The following PLEKHA6 variants were observed in gnomAD, a reference collection of about 807,000 sequenced individuals.
PLEKHA6 encodes pleckstrin homology domain-containing family A member 6.
Under a neutral mutation model 116.7 loss-of-function variants are expected in PLEKHA6, and 60 were observed. The ratio of observed to expected loss-of-function variants is 0.51; its 90% CI spans 0.42 to 0.64. PLEKHA6 has a LOEUF of 0.64. Ranked by LOEUF, PLEKHA6 falls within the 30% of genes least tolerant of loss-of-function variation. The probability of loss-of-function intolerance (pLI) is 0.00; values close to 1 mark genes in which losing one functional copy is unlikely to be tolerated. For missense variants in PLEKHA6, 1,338 were observed against 1,422.7 expected, an observed-to-expected ratio of 0.94 and a Z score of 0.96; for synonymous variants, 489 against 556.1, an observed-to-expected ratio of 0.88 and a Z score of 1.70.
intron 1 of PLEKHA6, among the ~76,000 whole-genome samples, chr1:204,318,962 A>G (rs1056642433): frequency 6.6e-6 from 1 of 152,214 alleles, no homozygotes; most frequent in African/African-American, 2.4e-5. Flanking sequence ...ATGGGAGAAC[A>G]GAAAATCAGG....
intron 1 of PLEKHA6, among the ~76,000 whole-genome samples, chr1:204,352,374 C>CAAAAA (rs35132900): frequency 7.2e-6 from 1 of 139,518 alleles, no homozygotes; most frequent in African/African-American, 2.6e-5. Context: ...GACTCCGTCT[C>CAAAAA]AAAAAAAAAA....
chr1:204,360,546 T>A (rs1403762167), upstream of PLEKHA6, among the ~76,000 whole-genome samples: 1 of 152,180 alleles, frequency 6.6e-6, no homozygotes, highest in East Asian at 1.9e-4. Context: ...TCTGTGCTCC[T>A]GTTCCTTCCG....
At chr1:204,280,386 A>G (rs1668470128) in intron 1 of PLEKHA6, 1 of 985,142 alleles carries the variant, frequency 1.0e-6, no homozygotes, top group Non-Finnish European at 1.2e-6. Context: ...GATGCCCAGA[A>G]CCCCACTGTG....
intron 1 of PLEKHA6, chr1:204,320,502 G>A: frequency 2.0e-6 from 2 of 982,850 alleles, no homozygotes; most frequent in Non-Finnish European, 2.4e-6. Flanking sequence ...GTGCCTGCAT[G>A]ACTCAGGGAA....
chr1:204,353,772 G>C (rs1349570441), intron 1 of PLEKHA6, among the ~76,000 whole-genome samples: 2 of 152,066 alleles, frequency 1.3e-5, no homozygotes, highest in African/African-American at 4.8e-5. Context: ...AGGAAACCTG[G>C]GTTCTAGACC....
chr1:204,372,757 C>T (rs2103417474), intron 1 of PLEKHA6, among the ~76,000 whole-genome samples: 1 of 152,096 alleles, frequency 6.6e-6, no homozygotes, highest in East Asian at 1.9e-4. Context: ...CACCCCCAAC[C>T]CCAAGCTCTT....
At chr1:204,314,296 T>G (rs1466452672) in intron 1 of PLEKHA6, among the ~76,000 whole-genome samples, 1 of 152,230 alleles carries the variant, frequency 6.6e-6, no homozygotes, top group Non-Finnish European at 1.5e-5. Flanking sequence ...GTAGCTCACC[T>G]GTTCCTGTTT....
At chr1:204,286,659 C>A (rs1572071100) in intron 1 of PLEKHA6, among the ~76,000 whole-genome samples, 1 of 152,280 alleles carries the variant, frequency 6.6e-6, no homozygotes, top group South Asian at 2.1e-4. Flanking sequence ...GAGCATTAAA[C>A]CAAGCATGTG....
At chr1:204,305,913 A>T (rs920323709) in intron 1 of PLEKHA6, among the ~76,000 whole-genome samples, 1 of 152,160 alleles carries the variant, frequency 6.6e-6, no homozygotes, top group Admixed American at 6.5e-5. Context: ...CCCATCCCGC[A>T]TCACCTCTCA....
At chr1:204,297,557 A>G (rs1241383247) in intron 1 of PLEKHA6, among the ~76,000 whole-genome samples, 7 of 150,920 alleles carry the variant, frequency 4.6e-5, no homozygotes, top group Non-Finnish European at 7.4e-5. Flanking sequence ...CATACTAGCA[A>G]TGGGACTTTG....
rs376318466 is a variant in PLEKHA6, at chr1:204,308,525, A to C, written c.-94-33716T>G. Among the ~76,000 whole-genome samples, 270 of 152,116 alleles carry C rather than the reference A, an allele frequency of 1.8e-3. 7 individuals carry two copies. In the South Asian group the frequency reaches 0.052, roughly 29 times the overall value. On this transcript the variant is annotated intron_variant, in intron 1 of 22. Coordinates refer to ENST00000272203, the MANE Select transcript of PLEKHA6 (RefSeq NM_014935.5). ...AAATCACTTAACCTCTCTGAGCTTC[A>C]GTTTCCTTATCTGTAAAATGAGGCT...
intron 1 of PLEKHA6, among the ~76,000 whole-genome samples, chr1:204,315,535 G>C (rs1671826244): frequency 6.6e-6 from 1 of 152,056 alleles, no homozygotes; most frequent in Non-Finnish European, 1.5e-5. Flanking sequence ...ACCGTGTTAG[G>C]GCTGAGCTCA....
rs527844018 is a variant in PLEKHA6 at position 204,349,360 on chromosome 1, G to A, written c.-95+10334C>T. ...TCGAGACCAGCCTGGCCAATATGGC[G>A]AAACCCCGTCTCTACTAAAAGTACA... On this transcript the variant is annotated intron_variant, in intron 1 of 22. Transcript: ENST00000272203. 3.5e-4 allele frequency among the ~76,000 whole-genome samples: 53 copies of A among 152,160 alleles called. 2 individuals are homozygous for A. In the South Asian group the frequency reaches 8.9e-3, roughly 26 times the overall value.
chr1:204,289,023 A>G (rs1425665205), intron 1 of PLEKHA6, among the ~76,000 whole-genome samples: 7 of 152,182 alleles, frequency 4.6e-5, no homozygotes, highest in Non-Finnish European at 8.8e-5. Context: ...GGGGAAATCT[A>G]AAAGTATCTA....
chr1:204,242,647 G>A (rs1444175184), intron 15 of PLEKHA6, among the ~76,000 whole-genome samples: 1 of 152,164 alleles, frequency 6.6e-6, no homozygotes, highest in Non-Finnish European at 1.5e-5. Context: ...GAGAGAAAAG[G>A]GCCTGTATCC....
intron 2 of PLEKHA6, chr1:204,369,768 C>T (rs932876105): frequency 6.6e-6 from 1 of 152,210 alleles, no homozygotes; most frequent in Non-Finnish European, 1.5e-5. Context: ...TCATCTTCCA[C>T]TCCTACCTAG....
chr1:204,245,056 G>A, intron 14 of PLEKHA6, 53 bp from the exon 15 acceptor site: 1 of 1,272,308 alleles, frequency 7.9e-7, no homozygotes, highest in Non-Finnish European at 1.0e-6. Flanking sequence ...GCGGCCTGGT[G>A]GGTAGATGGG....
At chr1:204,341,267 T>C (rs1248698865) in intron 1 of PLEKHA6, among the ~76,000 whole-genome samples, 1 of 152,212 alleles carries the variant, frequency 6.6e-6, no homozygotes, top group Non-Finnish European at 1.5e-5. Flanking sequence ...AACTTTTTGC[T>C]CTCTGCTTTG....
intron 1 of PLEKHA6, among the ~76,000 whole-genome samples, chr1:204,282,166 T>C (rs554283152): frequency 5.9e-5 from 9 of 152,012 alleles, no homozygotes; most frequent in Admixed American, 1.3e-4. Flanking sequence ...AGGCCTAAGA[T>C]GGCAGACTGA....
Sources: gnomAD v4.1 joint callset for allele counts (sites outside exome capture counted in the v4.1 genomes callset) on GRCh38, gnomAD v4.1.1 for gene constraint, MANE v1.5 for transcripts, NCBI Gene and HGNC (gene_info 2026-07-23, HGNC 2026-07-21) for gene names.